Variants in TMEM266 observed in about 807,000 individuals in gnomAD.
TMEM266 encodes the protein transmembrane protein 266, also known as Hv1 related protein 1.
Under a neutral mutation model 50.5 loss-of-function variants are expected in TMEM266, and 33 were observed. The observed-to-expected ratio is 0.65, with a 90% confidence interval of 0.50 to 0.87. The LOEUF is 0.87. Among genes scored for constraint, TMEM266 ranks in the 40% least tolerant of loss-of-function variants. The probability of loss-of-function intolerance (pLI) is 0.00; values close to 1 mark genes in which losing one functional copy is unlikely to be tolerated. For synonymous variants in TMEM266, 310 were observed against 292.3 expected (o/e 1.06, Z -0.62); for missense variants, 655 against 695.1 (o/e 0.94, Z 0.65).
At chr15:76,062,450 G>A (rs1427287986) in intron 1 of TMEM266, among the ~76,000 whole-genome samples, 1 of 152,192 alleles carries the variant, frequency 6.6e-6, no homozygotes, top group Non-Finnish European at 1.5e-5. Context: ...CAGTTTAGGA[G>A]GAGCACATTC....
intron 1 of TMEM266, among the ~76,000 whole-genome samples, chr15:76,095,435 G>C (rs1452920756): frequency 6.6e-6 from 1 of 152,044 alleles, no homozygotes; most frequent in South Asian, 2.1e-4. Context: ...TGCATATGTT[G>C]AACCAGCCTT....
intron 4 of TMEM266, among the ~76,000 whole-genome samples, chr15:76,159,577 C>T (rs894118267): frequency 6.6e-6 from 1 of 152,168 alleles, no homozygotes; most frequent in South Asian, 2.1e-4. Flanking sequence ...CTAAAACACA[C>T]TGGCCGACAC....
rs536474298 is a variant in TMEM266 at position 76,139,608 on chromosome 15, A to G, written c.227+1713A>G. ...GCCCCACATTTTCACTGGGCTCTGCAAATGATGTAGCTGGTGGGTCCTTCT... is the reference window on the plus strand; with the variant it reads ...GCCCCACATTTTCACTGGGCTCTGCGAATGATGTAGCTGGTGGGTCCTTCT... On this transcript the variant is annotated intron_variant, in intron 3 of 10. Coordinates refer to ENST00000388942, the MANE Select transcript of TMEM266 (RefSeq NM_152335.3). This position sits in a 1 kb window ranked among gnomAD's most constrained non-coding sequence, Gnocchi z 4.1. Among the ~76,000 whole-genome samples, 1 of 152,312 alleles carries G rather than the reference A, an allele frequency of 6.6e-6. No homozygotes were observed. The highest frequency in any genetic ancestry group is 6.5e-5 in the Admixed American group (1 of 15,300).
intron 1 of TMEM266, among the ~76,000 whole-genome samples, chr15:76,067,589 C>T (rs1296778110): frequency 2.8e-5 from 4 of 141,504 alleles, no homozygotes; most frequent in African/African-American, 1.1e-4. Flanking sequence ...GCCGAGATTG[C>T]GCCATTGCAC....
chr15:76,120,328 T>A (rs2037320756), intron 1 of TMEM266, among the ~76,000 whole-genome samples: 1 of 152,184 alleles, frequency 6.6e-6, no homozygotes, highest in African/African-American at 2.4e-5. Context: ...ATTAGAGTTT[T>A]ACTACCTGAC....
rs1412801667 is a variant in TMEM266, at chr15:76,139,412, G to C, written c.227+1517G>C. On this transcript the variant is annotated intron_variant, in intron 3 of 10. Transcript: ENST00000388942. The surrounding 1 kb of genome is among the most constrained non-coding windows in gnomAD (Gnocchi z 4.1). Reference sequence around the variant, plus strand: ...ACACCTGCAGTGGCAGCACTGTCCTGAGCTCTGTCAGGTCCTTACCATCTT... The same window carrying C: ...ACACCTGCAGTGGCAGCACTGTCCTCAGCTCTGTCAGGTCCTTACCATCTT... Among the ~76,000 whole-genome samples the C allele has an allele frequency of 6.6e-6, 1 of 152,212 alleles. No homozygotes were observed. The highest frequency in any genetic ancestry group is 1.9e-4 in the East Asian group (1 of 5,194).
intron 1 of TMEM266, among the ~76,000 whole-genome samples, chr15:76,081,123 C>T (rs2036687709): frequency 6.6e-6 from 1 of 152,202 alleles, no homozygotes; most frequent in South Asian, 2.1e-4. Flanking sequence ...CACCTATAAT[C>T]ACTCTCTCTG....
At chr15:76,166,111 C>T (rs897274504) in intron 5 of TMEM266, among the ~76,000 whole-genome samples, 2 of 152,078 alleles carry the variant, frequency 1.3e-5, no homozygotes, top group Non-Finnish European at 2.9e-5. Context: ...GTTAGTCCAG[C>T]GCGTGTTTTC....
intron 9 of TMEM266, among the ~76,000 whole-genome samples, chr15:76,200,193 A>G (rs946781650): frequency 6.6e-6 from 1 of 152,152 alleles, no homozygotes; most frequent in Non-Finnish European, 1.5e-5. Flanking sequence ...GAGCTGCTCC[A>G]CTTCCTTAGA....
chr15:76,169,958 C>T, intron 6 of TMEM266, 86 bp downstream of exon 6: 2 of 1,438,868 alleles, frequency 1.4e-6, no homozygotes, highest in Non-Finnish European at 1.9e-6. Context: ...CCAGGGTGGA[C>T]ACCATCAAGA....
chr15:76,137,825 G>T lies in TMEM266; in HGVS notation c.157G>T (p.Ala53Ser). Residue 53 changes from alanine (A) to serine (S), a missense_variant, in exon 3 of 11, where the codon GCT becomes TCT. Ala to Ser is a moderately conservative substitution (Grantham distance 99, BLOSUM62 1). Around this residue, in one of 3 missense-constraint regions of TMEM266, gnomAD observed 99 missense variants for 110.8 expected, o/e 0.89. Transcript: ENST00000388942. ...CTTTGCCTATCGGGACTTGCCCCTGGCTGCTGTCGATCTCTCCACGGCGGG... is the reference window on the plus strand; with the variant it reads ...CTTTGCCTATCGGGACTTGCCCCTGTCTGCTGTCGATCTCTCCACGGCGGG... 1 of 1,613,442 alleles carries T rather than the reference G, an allele frequency of 6.2e-7. No homozygotes were observed. Among genetic ancestry groups the T allele is most frequent in the Non-Finnish European group, 8.5e-7 (1 of 1,179,726 alleles).
At chr15:76,060,271 C>T (rs1192668520) in intron 1 of TMEM266, among the ~76,000 whole-genome samples, 4 of 152,000 alleles carry the variant, frequency 2.6e-5, no homozygotes, top group Non-Finnish European at 5.9e-5. Flanking sequence ...TGCAAACTGC[C>T]CTGGTTCGGG....
At chr15:76,119,407 A>G (rs931031112) in intron 1 of TMEM266, among the ~76,000 whole-genome samples, 16 of 151,174 alleles carry the variant, frequency 1.1e-4, no homozygotes, top group African/African-American at 3.6e-4. Context: ...AAAAAAAAAA[A>G]AAAAAGAAAA....
In TMEM266 at chr15:76,151,310, C is replaced by T. The variant is rs150848690; in HGVS notation, c.228-5294C>T. 3.6e-3 allele frequency among the ~76,000 whole-genome samples: 549 copies of T among 152,330 alleles called. 6 individuals are homozygous for T. Among genetic ancestry groups the T allele is most frequent in the African/African-American group, 0.013 (526 of 41,574 alleles). ...CACTCAGGAATCTTTTGAAACTGGTCACATTCTATTTCACTGCTAAAACAC... is the reference window on the plus strand; with the variant it reads ...CACTCAGGAATCTTTTGAAACTGGTTACATTCTATTTCACTGCTAAAACAC... On this transcript the variant is annotated intron_variant, in intron 3 of 10. Coordinates refer to ENST00000388942, the MANE Select transcript of TMEM266 (RefSeq NM_152335.3).
intron 8 of TMEM266, among the ~76,000 whole-genome samples, chr15:76,185,207 T>A (rs2038475582): frequency 6.6e-6 from 1 of 152,236 alleles, no homozygotes; most frequent in Non-Finnish European, 1.5e-5. Flanking sequence ...CTTTATTCAT[T>A]GCACCTGTCT....
chr15:76,169,893 C>T, intron 6 of TMEM266, 21 bp downstream of exon 6: 1 of 1,608,926 alleles, frequency 6.2e-7, no homozygotes, highest in East Asian at 2.2e-5. Flanking sequence ...ATGTCCACCC[C>T]CAAAGCCCCC....
At chr15:76,125,191 G>A (rs1222300459) in intron 1 of TMEM266, among the ~76,000 whole-genome samples, 1 of 152,112 alleles carries the variant, frequency 6.6e-6, no homozygotes, top group African/African-American at 2.4e-5. Flanking sequence ...CAAAACCCTA[G>A]AGGAAAACAT....
At chr15:76,127,807 T>C (rs1486266699) in intron 1 of TMEM266, among the ~76,000 whole-genome samples, 1 of 151,976 alleles carries the variant, frequency 6.6e-6, no homozygotes, top group Non-Finnish European at 1.5e-5. Flanking sequence ...ATAACTACTT[T>C]ACCTTGAGCA....
At chr15:76,081,183 A>G (rs2036688851) in intron 1 of TMEM266, among the ~76,000 whole-genome samples, 1 of 152,224 alleles carries the variant, frequency 6.6e-6, no homozygotes, top group South Asian at 2.1e-4. Context: ...CGAGTTCAAA[A>G]GGTCACAAGA....
Sources: gnomAD v4.1 joint callset for allele counts (sites outside exome capture counted in the v4.1 genomes callset) on GRCh38, gnomAD v4.1.1 for gene constraint, gnomAD v4.1.1 regional missense constraint, Gnocchi (gnomAD v3.1) non-coding constraint, MANE v1.5 for transcripts, NCBI Gene and HGNC (gene_info 2026-07-23, HGNC 2026-07-21) for gene names.